CDC42BPA: variants seen among roughly 807,000 people sequenced by gnomAD.
CDC42BPA encodes the protein CDC42 binding protein kinase alpha.
A neutral mutation model predicts 223.5 loss-of-function variants in CDC42BPA; 80 were observed. That is an observed-to-expected ratio of 0.36 (90% CI 0.30 to 0.43). The LOEUF (loss-of-function observed/expected upper bound fraction) is 0.43, where lower values mean the gene tolerates loss of function less well. Ranked by LOEUF, CDC42BPA falls within the 20% of genes least tolerant of loss-of-function variation. The pLI is 1.00. For missense variants in CDC42BPA, 1,743 were observed against 2,099.9 expected, an observed-to-expected ratio of 0.83 and a Z score of 3.32; for synonymous variants, 694 against 718.6, an observed-to-expected ratio of 0.97 and a Z score of 0.55.
At chr1:227,234,529 C>G (rs1163081454) in intron 2 of CDC42BPA, 4 of 152,254 alleles carry the variant, frequency 2.6e-5, no homozygotes. Flanking sequence ...CTGAAAACTG[C>G]TCATCTATTG....
At chr1:227,289,754 A>C (rs1032437899) in intron 1 of CDC42BPA, among the ~76,000 whole-genome samples, 1 of 152,282 alleles carries the variant, frequency 6.6e-6, no homozygotes, top group Non-Finnish European at 1.5e-5. Flanking sequence ...TCTTAAGGGT[A>C]CTTATGTTTC....
intron 29 of CDC42BPA, 101 bp from the exon 30 acceptor site, chr1:227,029,351 G>A (rs562462460): frequency 3.7e-5 from 27 of 725,104 alleles, no homozygotes; most frequent in African/African-American, 2.7e-4. Flanking sequence ...ATGCACATAC[G>A]GAAGAATAAG....
intron 15 of CDC42BPA, among the ~76,000 whole-genome samples, chr1:227,092,892 T>C (rs938518612): frequency 2.0e-5 from 3 of 152,156 alleles, no homozygotes; most frequent in Non-Finnish European, 4.4e-5. Context: ...TTATGCCCTA[T>C]TACCCCTAAA....
chr1:227,249,796 T>C (rs1005575162), intron 2 of CDC42BPA, among the ~76,000 whole-genome samples: 31 of 152,152 alleles, frequency 2.0e-4, no homozygotes, highest in Admixed American at 7.9e-4. Flanking sequence ...AGGCAGGCAA[T>C]AACAAATGCT....
intron 15 of CDC42BPA, among the ~76,000 whole-genome samples, chr1:227,098,716 C>G (rs1407444934): frequency 6.6e-6 from 1 of 151,706 alleles, no homozygotes; most frequent in Non-Finnish European, 1.5e-5. Flanking sequence ...TGCCACTACT[C>G]TAGGCCAAAG....
chr1:227,316,928 A>T, intron 1 of CDC42BPA, 77 bp downstream of exon 1: 1 of 1,037,160 alleles, frequency 9.6e-7, no homozygotes, highest in Non-Finnish European at 1.5e-6. Flanking sequence ...AGTAGAGTTT[A>T]CTCATAACTC....
chr1:227,083,158 C>CTT (rs58943805), intron 16 of CDC42BPA, among the ~76,000 whole-genome samples: 43,049 of 151,948 alleles, frequency 0.28, 6,294 homozygotes, highest in African/African-American at 0.35. Flanking sequence ...CCATCTCTCT[C>CTT]CTTGCCTTTT....
At chr1:227,245,875 C>A (rs185736591) in intron 2 of CDC42BPA, among the ~76,000 whole-genome samples, 2 of 152,130 alleles carry the variant, frequency 1.3e-5, no homozygotes, top group African/African-American at 4.8e-5. Flanking sequence ...TCAAAGGAGA[C>A]CCAGCACATT....
At chr1:227,013,553 C>G (rs1210471219) in intron 34 of CDC42BPA, among the ~76,000 whole-genome samples, 2 of 152,050 alleles carry the variant, frequency 1.3e-5, no homozygotes, top group Non-Finnish European at 2.9e-5. Flanking sequence ...GGAACATTAG[C>G]AAACTGATTT....
chr1:227,070,721 T>G (rs953696029), intron 20 of CDC42BPA, among the ~76,000 whole-genome samples: 1 of 151,904 alleles, frequency 6.6e-6, no homozygotes, highest in African/African-American at 2.4e-5. Context: ...GCCCTCATAC[T>G]GTAAATATCA....
intron 1 of CDC42BPA, among the ~76,000 whole-genome samples, chr1:227,263,551 C>G (rs1409377674): frequency 6.6e-6 from 1 of 151,806 alleles, no homozygotes. Flanking sequence ...ACAAGACAAA[C>G]CTTGCTGATA....
At chr1:227,220,376 T>A (rs140541723) in intron 2 of CDC42BPA, among the ~76,000 whole-genome samples, 14,458 of 147,668 alleles carry the variant, frequency 0.098, 862 homozygotes, top group Middle Eastern at 0.17. Flanking sequence ...AGGAAATATA[T>A]ATTATGTAAG....
intron 2 of CDC42BPA, among the ~76,000 whole-genome samples, chr1:227,244,104 CT>C (rs1012528802): frequency 5.3e-5 from 8 of 151,900 alleles, no homozygotes; most frequent in Non-Finnish European, 1.0e-4. Context: ...TCATTAACCA[CT>C]TGGGAAGTTA....
chr1:227,075,982 T>TTTACATGTTGAACACA (rs1312486671), intron 17 of CDC42BPA, among the ~76,000 whole-genome samples: 4 of 152,212 alleles, frequency 2.6e-5, no homozygotes, highest in Non-Finnish European at 5.9e-5. Flanking sequence ...TTGCTTTTTA[T>TTTACATGTTGAACACA]TTACATGTTG....
chr1:227,144,773 C>T (rs1007696234), intron 8 of CDC42BPA, among the ~76,000 whole-genome samples: 4 of 151,938 alleles, frequency 2.6e-5, no homozygotes, highest in Admixed American at 6.6e-5. Flanking sequence ...TTGGACTGGC[C>T]GAATAATTGG....
chr1:227,255,221 A>G (rs1032971982), intron 1 of CDC42BPA, among the ~76,000 whole-genome samples: 2 of 152,230 alleles, frequency 1.3e-5, no homozygotes, highest in African/African-American at 4.8e-5. Context: ...TTAAAGGATC[A>G]TAATACATGG....
intron 12 of CDC42BPA, 119 bp from the exon 13 acceptor site, chr1:227,113,032 TAAAAGAAA>T: frequency 1.1e-6 from 1 of 883,190 alleles, no homozygotes. Flanking sequence ...TAGGACAAAT[TAAAAGAAA>T]TAAACTACTT....
At chr1:227,129,400 A>G (rs1656514716) in intron 10 of CDC42BPA, among the ~76,000 whole-genome samples, 169 bp from the exon 11 acceptor site, 1 of 151,996 alleles carries the variant, frequency 6.6e-6, no homozygotes, top group South Asian at 2.1e-4. Flanking sequence ...AAAAAATCAG[A>G]CCAGGCATGG....
rs1309498246 is a variant in CDC42BPA, at chr1:227,230,812, C to CTTTTTTTTTTTTTTTTTTTT, written c.271-17594_271-17593insAAAAAAAAAAAAAAAAAAAA. On this transcript the variant is annotated intron_variant, in intron 2 of 36. Transcript: ENST00000366766. Reference sequence around the variant, plus strand: ...GCTAACTGATTTCTATTTCTTTTTTCTTTCTTTCTTTTTTTTTTTTTTTTT... The same window carrying CTTTTTTTTTTTTTTTTTTTT: ...GCTAACTGATTTCTATTTCTTTTTTCTTTTTTTTTTTTTTTTTTTTTTTCTTTCTTTTTTTTTTTTTTTTT... Among the ~76,000 whole-genome samples the CTTTTTTTTTTTTTTTTTTTT allele has an allele frequency of 1.2e-4, 13 of 111,756 alleles. 1 individual carries two copies. The highest frequency in any genetic ancestry group is 3.1e-4 in the South Asian group (1 of 3,258). The allele number at this position is 111,756 out of a possible 152,430, so 73.3% of individuals were successfully genotyped here.
Sources: allele counts gnomAD v4.1 joint callset (sites outside exome capture counted in the v4.1 genomes callset), GRCh38; gene constraint gnomAD v4.1.1; transcripts MANE v1.5; gene names NCBI Gene and HGNC (gene_info 2026-07-23, HGNC 2026-07-21).